The following CSMD1 variants were observed in gnomAD, a reference collection of about 807,000 sequenced individuals.
CSMD1 encodes the protein CUB and Sushi multiple domains 1, also known as CUB and sushi domain-containing protein 1.
In CSMD1, 213 loss-of-function variants were observed where a neutral mutation model predicts 417.5. The ratio of observed to expected loss-of-function variants is 0.51; its 90% confidence interval spans 0.46 to 0.57. CSMD1 has a LOEUF of 0.57. Ranked by LOEUF, CSMD1 falls within the 20% of genes least tolerant of loss-of-function variation. The pLI, the probability that CSMD1 is intolerant of heterozygous loss-of-function variation, is 0.00. For synonymous variants in CSMD1, 2,862 were observed against 1,736.8 expected, an observed-to-expected ratio of 1.65 and a Z score of -16.11; for missense variants, 6,923 against 4,529.7, an observed-to-expected ratio of 1.53 and a Z score of -15.17.
At chr8:3,304,368 G>C (rs1563249433) in intron 25 of CSMD1, among the ~76,000 whole-genome samples, 2 of 152,176 alleles carry the variant, frequency 1.3e-5, no homozygotes, top group South Asian at 2.1e-4. Flanking sequence ...TTTTTTCTGA[G>C]TATTAGTACA....
intron 12 of CSMD1, among the ~76,000 whole-genome samples, chr8:3,447,775 T>C (rs778897878): frequency 5.3e-5 from 8 of 152,170 alleles, no homozygotes; most frequent in Admixed American, 1.3e-4. Flanking sequence ...TTCCTGGATG[T>C]GGCAGTGGAT....
intron 5 of CSMD1, among the ~76,000 whole-genome samples, chr8:3,822,339 T>C (rs1292867854): frequency 6.6e-6 from 1 of 152,122 alleles, no homozygotes; most frequent in African/African-American, 2.4e-5. Flanking sequence ...AATCTTGACA[T>C]CAAGTACTTT....
intron 8 of CSMD1, among the ~76,000 whole-genome samples, chr8:3,610,352 G>T (rs553629248): frequency 6.6e-6 from 1 of 152,086 alleles, no homozygotes; most frequent in African/African-American, 2.4e-5. Flanking sequence ...AGGCAACACA[G>T]CGAGACCTTG....
chr8:3,577,884 T>C (rs1269664749), intron 9 of CSMD1, among the ~76,000 whole-genome samples: 2 of 152,312 alleles, frequency 1.3e-5, no homozygotes, highest in African/African-American at 4.8e-5. Context: ...GTTTTTCAAA[T>C]GGCAACTACC....
chr8:4,424,938 A>C (rs1190618119), intron 2 of CSMD1, among the ~76,000 whole-genome samples: 1 of 152,110 alleles, frequency 6.6e-6, no homozygotes, highest in Non-Finnish European at 1.5e-5. Context: ...AAAGGTTGAG[A>C]CTGAGAGGTA....
chr8:4,780,428 T>TCTGC (rs1357734202), intron 1 of CSMD1, among the ~76,000 whole-genome samples: 1 of 152,172 alleles, frequency 6.6e-6, no homozygotes, highest in East Asian at 1.9e-4. Context: ...TGTCTGTCTG[T>TCTGC]CTGTCTGTCT....
At chr8:3,544,178 T>C (rs1009435741) in intron 10 of CSMD1, among the ~76,000 whole-genome samples, 1 of 152,096 alleles carries the variant, frequency 6.6e-6, no homozygotes, top group Non-Finnish European at 1.5e-5. Flanking sequence ...TCCTAGCCTC[T>C]AGAGGTTCAT....
At chr8:4,269,436 T>C (rs189381171) in intron 3 of CSMD1, among the ~76,000 whole-genome samples, 68 of 152,312 alleles carry the variant, frequency 4.5e-4, no homozygotes, top group Non-Finnish European at 9.1e-4. Context: ...GAGAATTTTC[T>C]CTCTGAAGTT....
At chr8:4,344,668 A>C (rs1012468067) in intron 3 of CSMD1, among the ~76,000 whole-genome samples, 1 of 152,078 alleles carries the variant, frequency 6.6e-6, no homozygotes, top group African/African-American at 2.4e-5. Context: ...TTGAATCAAT[A>C]AACACAAAGA....
chr8:4,653,873 C>T (rs533212827), intron 1 of CSMD1, among the ~76,000 whole-genome samples: 23 of 152,078 alleles, frequency 1.5e-4, no homozygotes, highest in African/African-American at 2.4e-4. Context: ...TTTTTCATAA[C>T]GTTATTCATG....
chr8:2,984,847 G>C (rs1233030284), intron 54 of CSMD1, among the ~76,000 whole-genome samples: 2 of 152,220 alleles, frequency 1.3e-5, no homozygotes, highest in African/African-American at 4.8e-5. Context: ...TTCTGTTGGT[G>C]TTTTTTAACT....
intron 7 of CSMD1, among the ~76,000 whole-genome samples, chr8:3,687,395 T>C (rs1412214719): frequency 6.6e-6 from 1 of 152,240 alleles, no homozygotes; most frequent in African/African-American, 2.4e-5. Context: ...TATGGAACTC[T>C]GCATTTCTAA....
intron 7 of CSMD1, among the ~76,000 whole-genome samples, chr8:3,637,131 C>A (rs1190688533): frequency 6.6e-6 from 1 of 152,160 alleles, no homozygotes; most frequent in Non-Finnish European, 1.5e-5. Flanking sequence ...ATAAATTATC[C>A]CGTTTGTGCT....
At chr8:4,914,113 G>C (rs1805888579) in intron 1 of CSMD1, among the ~76,000 whole-genome samples, 1 of 152,086 alleles carries the variant, frequency 6.6e-6, no homozygotes, top group Non-Finnish European at 1.5e-5. Flanking sequence ...TGATTGATTT[G>C]TGTTGAGCTC....
chr8:4,115,964 T>TTTTATTTATTTA (rs35791469), intron 3 of CSMD1, among the ~76,000 whole-genome samples: 2 of 134,286 alleles, frequency 1.5e-5, no homozygotes, highest in African/African-American at 2.9e-5. Context: ...GTTTTCATTA[T>TTTTATTTATTTA]TTTATTTATT....
intron 4 of CSMD1, among the ~76,000 whole-genome samples, chr8:3,998,497 A>G (rs979965785): frequency 6.6e-6 from 1 of 152,222 alleles, no homozygotes; most frequent in African/African-American, 2.4e-5. Context: ...GCGTTTATTC[A>G]TGGATACCTG....
At chr8:3,274,935 G>C (rs1055473261) in intron 26 of CSMD1, among the ~76,000 whole-genome samples, 7 of 152,140 alleles carry the variant, frequency 4.6e-5, no homozygotes, top group African/African-American at 1.7e-4. Flanking sequence ...TACATTTAAA[G>C]TTAATATTGT....
At chr8:4,563,273 C>T (rs936764752) in intron 2 of CSMD1, among the ~76,000 whole-genome samples, 2 of 152,088 alleles carry the variant, frequency 1.3e-5, no homozygotes, top group East Asian at 1.9e-4. Context: ...TGGTGGCGGG[C>T]ACCTGTAGTC....
At chr8:3,763,150 G>T (rs564010573) in intron 5 of CSMD1, among the ~76,000 whole-genome samples, 10 of 152,208 alleles carry the variant, frequency 6.6e-5, no homozygotes, top group Non-Finnish European at 8.8e-5. Flanking sequence ...ATAAGCCAAA[G>T]AGGTCTCTTC....
Sources: gnomAD v4.1 joint callset for allele counts (sites outside exome capture counted in the v4.1 genomes callset) on GRCh38, gnomAD v4.1.1 for gene constraint, MANE v1.5 for transcripts, NCBI Gene and HGNC (gene_info 2026-07-23, HGNC 2026-07-21) for gene names.